Variants in FLI1 observed in about 807,000 individuals in gnomAD.
FLI1 encodes Friend leukemia integration 1 transcription factor.
FLI1 carries 13 observed loss-of-function variants against 53.1 expected under a neutral mutation model. The observed-to-expected ratio is 0.24, with a 90% CI of 0.16 to 0.39. The LOEUF (loss-of-function observed/expected upper bound fraction) is 0.39, where lower values mean the gene tolerates loss of function less well. FLI1 is among the 10% of genes least tolerant of loss of function. The pLI is 1.00. For synonymous variants in FLI1, 244 were observed against 236.7 expected (o/e 1.03, Z -0.28); for missense variants, 424 against 600.5 (o/e 0.71, Z 3.07).
chr11:128,744,550 A>C (rs572113858), intron 1 of FLI1, among the ~76,000 whole-genome samples: 2 of 152,346 alleles, frequency 1.3e-5, no homozygotes, highest in East Asian at 3.9e-4. Context: ...GTCCAAGGTC[A>C]CAAGACTGGC....
intron 5 of FLI1, among the ~76,000 whole-genome samples, chr11:128,794,480 C>T (rs1015014402): frequency 2.0e-5 from 3 of 152,034 alleles, no homozygotes; most frequent in Admixed American, 6.6e-5. Context: ...GAGAGAGAGA[C>T]GGAGAAGCTT....
intron 1 of FLI1, among the ~76,000 whole-genome samples, chr11:128,707,067 C>T (rs964873157): frequency 1.7e-4 from 26 of 152,246 alleles, no homozygotes; most frequent in Middle Eastern, 3.4e-3. Context: ...GTTATGGGCA[C>T]GGTTGGTGTG....
intron 5 of FLI1, among the ~76,000 whole-genome samples, chr11:128,802,675 TG>T (rs1417712385): frequency 6.6e-6 from 1 of 152,252 alleles, no homozygotes; most frequent in Non-Finnish European, 1.5e-5. Context: ...GATGGGCCTG[TG>T]GGCACATTGA....
At chr11:128,753,927 CA>C (rs1940753977) in intron 1 of FLI1, among the ~76,000 whole-genome samples, 1 of 152,082 alleles carries the variant, frequency 6.6e-6, no homozygotes, top group Non-Finnish European at 1.5e-5. Context: ...TGTTGAACTG[CA>C]AAAAGGGGTG....
intron 1 of FLI1, among the ~76,000 whole-genome samples, chr11:128,739,995 C>A (rs73573709): frequency 0.023 from 3,465 of 152,284 alleles, 140 homozygotes; most frequent in African/African-American, 0.078. Flanking sequence ...CTCATCCCCA[C>A]GTGTGAGGGA....
At chr11:128,774,669 T>G (rs1941679525) in intron 4 of FLI1, among the ~76,000 whole-genome samples, 1 of 152,182 alleles carries the variant, frequency 6.6e-6, no homozygotes, top group African/African-American at 2.4e-5. Flanking sequence ...GAACTGTTAG[T>G]TAAAGGGCCC....
chr11:128,692,599 A>G (rs1937796795), upstream of FLI1: 1 of 152,176 alleles, frequency 6.6e-6, no homozygotes, highest in Non-Finnish European at 1.5e-5. Flanking sequence ...AGGGAGGGAG[A>G]CGAGTGAGCT....
At chr11:128,743,727 G>T (rs1565477875) in intron 1 of FLI1, among the ~76,000 whole-genome samples, 1 of 151,996 alleles carries the variant, frequency 6.6e-6, no homozygotes, top group African/African-American at 2.4e-5. Flanking sequence ...CCAGTCCCAA[G>T]CCCCCAGGAA....
chr11:128,800,811 G>A (rs756609889), intron 5 of FLI1, among the ~76,000 whole-genome samples: 11 of 152,182 alleles, frequency 7.2e-5, no homozygotes, highest in Non-Finnish European at 1.0e-4. Flanking sequence ...CCAGACTGAG[G>A]CTCCGGCCTC....
chr11:128,800,170 C>T (rs1452073946), intron 5 of FLI1, among the ~76,000 whole-genome samples: 1 of 152,178 alleles, frequency 6.6e-6, no homozygotes, highest in East Asian at 1.9e-4. Flanking sequence ...AATCCCCCTG[C>T]TCTGCTGGGA....
rs1942924935 is a variant in FLI1, at chr11:128,811,038, C to G, written c.*50C>G. On this transcript the variant is annotated 3_prime_UTR_variant, in exon 9 of 9. Transcript: ENST00000527786. ...AGCTGAAGCCCATCCTGCACACTTA[C>G]TGGATGCTTTGGACTCAACAGGACA... The G allele has an allele frequency of 1.3e-6, 2 of 1,579,006 alleles. No individual in the cohort carries two copies. Among genetic ancestry groups the G allele is most frequent in the Non-Finnish European group, 1.7e-6 (2 of 1,148,766 alleles).
intron 1 of FLI1, among the ~76,000 whole-genome samples, chr11:128,714,950 G>A (rs1373394692): frequency 2.0e-5 from 3 of 152,002 alleles, no homozygotes; most frequent in East Asian, 1.9e-4. Flanking sequence ...CTCGTCATCC[G>A]CCAGCCTCAG....
At chr11:128,785,970 CTTAAAATGG>C (rs1942065495) in intron 5 of FLI1, among the ~76,000 whole-genome samples, 1 of 152,110 alleles carries the variant, frequency 6.6e-6, no homozygotes. Flanking sequence ...AAATTGTACA[CTTAAAATGG>C]TTAAAATGGT....
At chr11:128,749,036 CTA>C (rs1323466215) in intron 1 of FLI1, among the ~76,000 whole-genome samples, 2 of 152,136 alleles carry the variant, frequency 1.3e-5, no homozygotes, top group Admixed American at 6.5e-5. Context: ...GATAATTCCA[CTA>C]TGTGTCTATC....
chr11:128,703,842 C>CAAAAAA (rs35230795), intron 1 of FLI1, among the ~76,000 whole-genome samples: 4 of 45,922 alleles, frequency 8.7e-5, no homozygotes, highest in Non-Finnish European at 1.1e-4. Context: ...GACTCCGTCT[C>CAAAAAA]AAAAAAAAAA....
At chr11:128,701,156 G>T (rs1938316934) in intron 1 of FLI1, among the ~76,000 whole-genome samples, 1 of 152,110 alleles carries the variant, frequency 6.6e-6, no homozygotes. Context: ...TTAGGGGAGG[G>T]AGGAGAAACT....
intron 5 of FLI1, among the ~76,000 whole-genome samples, chr11:128,789,365 C>A (rs979575453): frequency 2.0e-5 from 3 of 152,062 alleles, no homozygotes; most frequent in African/African-American, 7.2e-5. Flanking sequence ...AGCGAAGGAG[C>A]GGAGAGCCAG....
intron 2 of FLI1, among the ~76,000 whole-genome samples, chr11:128,759,327 T>G (rs936854045): frequency 6.6e-6 from 1 of 152,206 alleles, no homozygotes; most frequent in African/African-American, 2.4e-5. Flanking sequence ...CGATGTGACA[T>G]TTAACCCAGA....
At chr11:128,800,337 T>C (rs1431655318) in intron 5 of FLI1, among the ~76,000 whole-genome samples, 1 of 152,156 alleles carries the variant, frequency 6.6e-6, no homozygotes, top group Admixed American at 6.5e-5. Context: ...CACCCAGTCA[T>C]TGAGAGCAAG....
Sources: allele counts gnomAD v4.1 joint callset (sites outside exome capture counted in the v4.1 genomes callset), GRCh38; gene constraint gnomAD v4.1.1; transcripts MANE v1.5; gene names NCBI Gene and HGNC (gene_info 2026-07-23, HGNC 2026-07-21).